The following CCDC93 variants were observed in gnomAD, a reference collection of about 807,000 sequenced individuals.
CCDC93 encodes coiled-coil domain-containing protein 93.
Under a neutral mutation model 108.2 loss-of-function variants are expected in CCDC93, and 61 were observed. The observed-to-expected ratio is 0.56, with a 90% CI of 0.46 to 0.70. CCDC93 has a LOEUF of 0.70. Ranked by LOEUF, CCDC93 falls within the 30% of genes least tolerant of loss-of-function variation. The probability of loss-of-function intolerance (pLI) is 0.00; values close to 1 mark genes in which losing one functional copy is unlikely to be tolerated. For synonymous variants in CCDC93, 276 were observed against 260.4 expected, an observed-to-expected ratio of 1.06 and a Z score of -0.58; for missense variants, 685 against 764.2, an observed-to-expected ratio of 0.90 and a Z score of 1.22.
chr2:117,947,842 A>C (rs535036362), intron 15 of CCDC93, among the ~76,000 whole-genome samples: 222 of 152,064 alleles, frequency 1.5e-3, no homozygotes, highest in Middle Eastern at 3.4e-3. Context: ...TACAGGCGCC[A>C]GCCACCACGC....
In CCDC93 at chr2:117,973,942, T is replaced by C. The variant is rs1476732135; in HGVS notation, c.854A>G (p.Glu285Gly). ...ATACTCGGACACAATCTGCTTGATCTCAGCAGAGCAGAGTCCCACAATCTG... is the reference window on the plus strand; with the variant it reads ...ATACTCGGACACAATCTGCTTGATCCCAGCAGAGCAGAGTCCCACAATCTG... ...VGQIVGLCSA[E>G]IKQIVSEYAE... is the part of the protein sequence containing the mutation. Residue 285 changes from glutamate (E) to glycine (G), a missense_variant, in exon 11 of 24, where the codon GAG becomes GGG. Transcript: ENST00000376300. 3.1e-6 allele frequency: 5 copies of C among 1,612,484 alleles called. No individual in the cohort carries two copies. Among genetic ancestry groups the C allele is most frequent in the Non-Finnish European group, 2.5e-6 (3 of 1,179,340 alleles).
chr2:118,013,819 TC>T, intron 1 of CCDC93, 134 bp downstream of exon 1: 1 of 765,308 alleles, frequency 1.3e-6, no homozygotes, highest in Non-Finnish European at 2.0e-6. Context: ...GGTCGGCGCT[TC>T]CCTGAGGTGG....
chr2:117,945,376 G>C lies in CCDC93; in HGVS notation c.1350+153C>G, dbSNP rs17583214. On this transcript the variant is annotated intron_variant, in intron 17 of 23. Transcript: ENST00000376300. ...AGACCCTGCCTCCATCTGAGGCCTA[G>C]CTGTATCAAACAGGACAATGCCCTG... Among the ~76,000 whole-genome samples the C allele has an allele frequency of 0.061, 9,324 of 152,260 alleles. 316 individuals carry two copies. Among genetic ancestry groups the C allele is most frequent in the Middle Eastern group, 0.14 (42 of 290 alleles).
At chr2:117,963,597 G>C (rs1162442391) in intron 11 of CCDC93, among the ~76,000 whole-genome samples, 1 of 152,178 alleles carries the variant, frequency 6.6e-6, no homozygotes, top group Non-Finnish European at 1.5e-5. Context: ...AAAACCCATA[G>C]TTATGTAACC....
intron 7 of CCDC93, 26 bp from the exon 8 acceptor site, chr2:117,978,056 A>C: frequency 1.9e-6 from 3 of 1,607,986 alleles, no homozygotes; most frequent in Non-Finnish European, 2.6e-6. Flanking sequence ...AAGGAGTTTA[A>C]TTACTACTTA....
chr2:117,933,005 T>C (rs748729288), intron 22 of CCDC93, among the ~76,000 whole-genome samples: 3 of 152,182 alleles, frequency 2.0e-5, no homozygotes, highest in Non-Finnish European at 1.5e-5. Context: ...GAATTATGAA[T>C]TTATCCAGGA....
At chr2:117,926,767 T>A (rs1236775458) in intron 23 of CCDC93, among the ~76,000 whole-genome samples, 2 of 152,172 alleles carry the variant, frequency 1.3e-5, no homozygotes, top group Non-Finnish European at 2.9e-5. Context: ...TAACTCATTT[T>A]ATGAGGCCAG....
chr2:118,006,638 G>T, intron 3 of CCDC93, 84 bp downstream of exon 3: 1 of 774,802 alleles, frequency 1.3e-6, no homozygotes, highest in Non-Finnish European at 2.3e-6. Context: ...TATGTAAAGT[G>T]TCCAACCAAC....
intron 20 of CCDC93, among the ~76,000 whole-genome samples, 183 bp downstream of exon 20, chr2:117,938,842 GCAGA>G (rs1395408673): frequency 2.6e-5 from 4 of 152,158 alleles, no homozygotes; most frequent in Non-Finnish European, 5.9e-5. Flanking sequence ...TCACTTCACA[GCAGA>G]CAGTCTGGGT....
chr2:118,001,830 G>A (rs965022705), intron 3 of CCDC93, among the ~76,000 whole-genome samples: 8 of 152,140 alleles, frequency 5.3e-5, no homozygotes, highest in Admixed American at 2.0e-4. Context: ...CCTCCTTCTC[G>A]AATCAGTTGG....
chr2:117,967,326 C>T (rs1246217063), intron 11 of CCDC93, among the ~76,000 whole-genome samples: 1 of 152,218 alleles, frequency 6.6e-6, no homozygotes, highest in African/African-American at 2.4e-5. Flanking sequence ...CATGAGACCA[C>T]ATTAATGTGG....
At chr2:117,985,524 AT>A (rs777242636) in intron 7 of CCDC93, 16,416 of 353,204 alleles carry the variant, frequency 0.046, 101 homozygotes, top group Middle Eastern at 0.062. Context: ...ATAAAATAAG[AT>A]TTTTTTTTTT....
In CCDC93 at chr2:117,917,045, T is replaced by A. The variant is rs1162254087; in HGVS notation, c.*3298A>T. ...CATAAAGTGCTTCCTTAAAGTGTTCTTCCTCAATGCATGTTTCAACATCTG... is the reference window on the plus strand; with the variant it reads ...CATAAAGTGCTTCCTTAAAGTGTTCATCCTCAATGCATGTTTCAACATCTG... On this transcript the variant is annotated 3_prime_UTR_variant, in exon 24 of 24. Coordinates refer to ENST00000376300, the MANE Select transcript of CCDC93 (RefSeq NM_019044.5). 2 of 152,274 alleles carry A rather than the reference T, an allele frequency of 1.3e-5. No individual in the cohort carries two copies. Among genetic ancestry groups the A allele is most frequent in the Non-Finnish European group, 2.9e-5 (2 of 68,040 alleles). The allele number at this position is 152,274 out of a possible 1,614,324, so 9.4% of individuals were successfully genotyped here.
In CCDC93 at chr2:117,949,813, T is replaced by C. The variant is rs1051511737; in HGVS notation, c.1069-418A>G. 4 of 985,196 alleles carry C rather than the reference T, an allele frequency of 4.1e-6. No individual in the cohort carries two copies. In the East Asian group the frequency reaches 4.5e-4, roughly 112 times the overall value. The allele number at this position is 985,196 out of a possible 1,614,324, so 61.0% of individuals were successfully genotyped here. ...CCCTAAGACCCCCAAACATCCAGACTATTACATTAGAACACAAGAGTTTAA... is the reference window on the plus strand; with the variant it reads ...CCCTAAGACCCCCAAACATCCAGACCATTACATTAGAACACAAGAGTTTAA... On this transcript the variant is annotated intron_variant, in intron 13 of 23. Transcript: ENST00000376300.
intron 1 of CCDC93, among the ~76,000 whole-genome samples, chr2:118,012,223 G>A (rs913070251): frequency 6.6e-6 from 1 of 151,324 alleles, no homozygotes; most frequent in Admixed American, 6.6e-5. Context: ...GCAATGAACC[G>A]AGCTCACGCC....
At chr2:117,923,852 C>T (rs978561289) in intron 23 of CCDC93, among the ~76,000 whole-genome samples, 8 of 152,106 alleles carry the variant, frequency 5.3e-5, no homozygotes, top group African/African-American at 1.7e-4. Flanking sequence ...CCCTGACCCC[C>T]GAGTAGCCAA....
intron 22 of CCDC93, chr2:117,934,097 C>G (rs1261470475): frequency 6.6e-6 from 1 of 152,268 alleles, no homozygotes; most frequent in Admixed American, 6.5e-5. Flanking sequence ...ACTTCTTCCC[C>G]TGCTTTGGCT....
rs765174029 is a variant in CCDC93 at position 117,975,244 on chromosome 2, A to G, written c.694T>C (p.Ser232Pro). ...DKKTALPAGL[S>P]ATEKADAHEE... ...TGGGCATCAGCTTTTTCTGTAGCTGACAGCCCTGCTGGAAGTGCCGTTTTC... is the reference window on the plus strand; with the variant it reads ...TGGGCATCAGCTTTTTCTGTAGCTGGCAGCCCTGCTGGAAGTGCCGTTTTC... Residue 232 changes from serine (S) to proline (P), a missense_variant, in exon 9 of 24, where the codon TCA becomes CCA. By Grantham distance (74) the Ser-to-Pro change is moderately conservative (BLOSUM62 -1). Transcript: ENST00000376300. 6.2e-6 allele frequency: 10 copies of G among 1,613,720 alleles called. No homozygotes were observed. The African/African-American group carries it at 1.3e-4, about 22-fold the overall frequency.
rs567812149 is a variant in CCDC93 at position 117,971,872 on chromosome 2, T to C, written c.888+2036A>G. Among the ~76,000 whole-genome samples the C allele has an allele frequency of 9.4e-4, 143 of 152,330 alleles. No individual in the cohort carries two copies. In the Middle Eastern group the frequency reaches 0.024, roughly 25 times the overall value. On this transcript the variant is annotated intron_variant, in intron 11 of 23. Transcript: ENST00000376300. ...GAATAGGATTAAAGGCAATTTAATT[T>C]TGAAAAACCATCAGCTTTAATGCTA...
Sources: gnomAD v4.1 joint callset for allele counts (sites outside exome capture counted in the v4.1 genomes callset) on GRCh38, gnomAD v4.1.1 for gene constraint, MANE v1.5 for transcripts, NCBI Gene and HGNC (gene_info 2026-07-23, HGNC 2026-07-21) for gene names.